The following TPP2 variants were observed in gnomAD, a reference collection of about 807,000 sequenced individuals.
The protein encoded by TPP2 is tripeptidyl-peptidase 2.
Under a neutral mutation model 155.9 loss-of-function variants are expected in TPP2, and 34 were observed. The ratio of observed to expected loss-of-function variants is 0.22; its 90% CI spans 0.17 to 0.29. The LOEUF is 0.29. TPP2 is among the 10% of genes least tolerant of loss of function. TPP2 has a pLI of 1.00. For synonymous variants in TPP2, 510 were observed against 529.4 expected, an observed-to-expected ratio of 0.96 and a Z score of 0.50; for missense variants, 1,028 against 1,522.3, an observed-to-expected ratio of 0.68 and a Z score of 5.40.
chr13:102,626,343 A>G (rs534086475), intron 6 of TPP2, among the ~76,000 whole-genome samples: 71 of 152,330 alleles, frequency 4.7e-4, no homozygotes, highest in African/African-American at 1.6e-3. Flanking sequence ...ACATAGTAGT[A>G]GTTTATTGCT....
At chr13:102,673,990 A>G (rs993326176) in intron 27 of TPP2, among the ~76,000 whole-genome samples, 4 of 152,174 alleles carry the variant, frequency 2.6e-5, no homozygotes, top group Admixed American at 2.6e-4. Flanking sequence ...TTATATAGCT[A>G]AAAAAATTTA....
At chr13:102,603,091 T>G (rs778228984) in intron 1 of TPP2, among the ~76,000 whole-genome samples, 1 of 152,242 alleles carries the variant, frequency 6.6e-6, no homozygotes, top group Non-Finnish European at 1.5e-5. Context: ...TTGTTACTTG[T>G]AGCAATCATG....
rs1197043126 is a variant in TPP2, at chr13:102,627,940, C to A, written c.1016+16C>A. On this transcript the variant is annotated intron_variant, in intron 8 of 29. Coordinates refer to ENST00000376052, the MANE Select transcript of TPP2 (RefSeq NM_001330588.2). ...CAAATTCTGGGTGAGTGTTCCTTGA[C>A]AGTTGTTTAGCCATAGAACCTTAGC... is the stretch of plus-strand genomic sequence containing the variant. The A allele has an allele frequency of 6.2e-7, 1 of 1,603,974 alleles. No individual in the cohort carries two copies. The highest frequency in any genetic ancestry group is 1.3e-5 in the African/African-American group (1 of 74,548).
chr13:102,636,609 A>G (rs1882399705), intron 13 of TPP2, among the ~76,000 whole-genome samples: 1 of 152,194 alleles, frequency 6.6e-6, no homozygotes, highest in South Asian at 2.1e-4. Context: ...ACCAGGGAAA[A>G]CAGTAGAATG....
At chr13:102,599,423 G>A (rs553818536) in intron 1 of TPP2, among the ~76,000 whole-genome samples, 1 of 152,078 alleles carries the variant, frequency 6.6e-6, no homozygotes, top group African/African-American at 2.4e-5. Flanking sequence ...GATTTATTTT[G>A]TAGATATATG....
At chr13:102,600,589 G>T (rs1879356150) in intron 1 of TPP2, among the ~76,000 whole-genome samples, 1 of 151,976 alleles carries the variant, frequency 6.6e-6, no homozygotes, top group Non-Finnish European at 1.5e-5. Flanking sequence ...ACTTTTTCCT[G>T]GTTAACTTAA....
At chr13:102,650,166 A>G (rs1883389612) in intron 23 of TPP2, among the ~76,000 whole-genome samples, 1 of 152,094 alleles carries the variant, frequency 6.6e-6, no homozygotes, top group Non-Finnish European at 1.5e-5. Flanking sequence ...CAAATTTATT[A>G]TGAGAATGAT....
intron 25 of TPP2, among the ~76,000 whole-genome samples, chr13:102,657,632 T>C (rs1883945244): frequency 6.6e-6 from 1 of 152,124 alleles, no homozygotes; most frequent in Non-Finnish European, 1.5e-5. Context: ...ATACTATTTT[T>C]AATGTCTGTG....
At chr13:102,662,112 G>A (rs935902736) in intron 25 of TPP2, among the ~76,000 whole-genome samples, 1 of 152,138 alleles carries the variant, frequency 6.6e-6, no homozygotes, top group Admixed American at 6.5e-5. Flanking sequence ...GCTCCAACAT[G>A]AATGCACCTT....
At chr13:102,614,062 A>G (rs886229379) in intron 2 of TPP2, 39 bp from the exon 3 acceptor site, 1 of 1,574,436 alleles carries the variant, frequency 6.4e-7, no homozygotes, top group Non-Finnish European at 8.7e-7. Context: ...ATTGGAAAGC[A>G]TTTAGTGAAT....
chr13:102,638,121 C>T, intron 14 of TPP2, 118 bp from the exon 15 acceptor site: 2 of 932,780 alleles, frequency 2.1e-6, no homozygotes, highest in South Asian at 3.0e-5. Context: ...TGGTGTCAAC[C>T]TCTGGTTAAG....
chr13:102,641,826 G>T (rs187282213), intron 16 of TPP2, among the ~76,000 whole-genome samples: 22 of 152,280 alleles, frequency 1.4e-4, no homozygotes, highest in African/African-American at 4.8e-4. Flanking sequence ...GGATAATCGG[G>T]TTGTACTACA....
intron 25 of TPP2, among the ~76,000 whole-genome samples, chr13:102,661,783 G>A (rs1249723312): frequency 1.3e-5 from 2 of 152,108 alleles, no homozygotes; most frequent in Non-Finnish European, 2.9e-5. Flanking sequence ...ATGAGTTTTG[G>A]CAAGTATGTG....
chr13:102,654,874 C>T, intron 24 of TPP2: 1 of 446,914 alleles, frequency 2.2e-6, no homozygotes, highest in Non-Finnish European at 4.5e-6. Flanking sequence ...TTTGCGCTTA[C>T]CTTGGCTTTG....
Position 102,619,552 on chromosome 13 carries a change from A to T in TPP2, c.620+706A>T, listed in dbSNP as rs555415674. On this transcript the variant is annotated intron_variant, in intron 5 of 29. Transcript: ENST00000376052. ...GCATCACAAGGTGGGGCACACACAGATCATGCCATGACTGCTTCCTCACTG... is the reference window on the plus strand; with the variant it reads ...GCATCACAAGGTGGGGCACACACAGTTCATGCCATGACTGCTTCCTCACTG... 2.0e-5 allele frequency among the ~76,000 whole-genome samples: 3 copies of T among 152,296 alleles called. No individual in the cohort carries two copies. The South Asian group carries it at 6.2e-4, about 32-fold the overall frequency.
At chr13:102,645,518 G>A (rs529285784) in intron 19 of TPP2, among the ~76,000 whole-genome samples, 2 of 152,202 alleles carry the variant, frequency 1.3e-5, no homozygotes, top group East Asian at 1.9e-4. Flanking sequence ...TTAACTCATC[G>A]GCATGAAGCC....
chr13:102,648,429 CGTGTGTGTGTGTGTGTGT>C (rs56934655), intron 21 of TPP2, among the ~76,000 whole-genome samples: 76 of 148,066 alleles, frequency 5.1e-4, no homozygotes, highest in African/African-American at 1.4e-3. Flanking sequence ...ATAAGTTACA[CGTGTGTGTGTGTGTGTGT>C]GTGTGTGTGT....
At chr13:102,672,542 T>A (rs1885048819) in intron 27 of TPP2, among the ~76,000 whole-genome samples, 1 of 152,210 alleles carries the variant, frequency 6.6e-6, no homozygotes, top group African/African-American at 2.4e-5. Context: ...CTCTAACTTT[T>A]ACCCACCACC....
intron 27 of TPP2, among the ~76,000 whole-genome samples, chr13:102,666,406 T>G (rs2139597697): frequency 6.6e-6 from 1 of 152,336 alleles, no homozygotes; most frequent in South Asian, 2.1e-4. Context: ...CCTTTCTGTC[T>G]CAGGGTGATC....
Sources: allele counts gnomAD v4.1 joint callset (sites outside exome capture counted in the v4.1 genomes callset), GRCh38; gene constraint gnomAD v4.1.1; transcripts MANE v1.5; gene names NCBI Gene and HGNC (gene_info 2026-07-23, HGNC 2026-07-21).